TLL1: variants seen among roughly 807,000 people sequenced by gnomAD.
TLL1 encodes tolloid-like protein 1.
A neutral mutation model predicts 128.2 loss-of-function variants in TLL1; 49 were observed. The observed-to-expected ratio is 0.38, with a 90% CI of 0.30 to 0.48. The LOEUF (loss-of-function observed/expected upper bound fraction) is 0.48, where lower values mean the gene tolerates loss of function less well. Ranked by LOEUF, TLL1 falls within the 20% of genes least tolerant of loss-of-function variation. TLL1 has a pLI of 0.96. For missense variants in TLL1, 1,123 were observed against 1,242.0 expected (o/e 0.90, Z 1.44); for synonymous variants, 454 against 418.8 (o/e 1.08, Z -1.03).
intron 9 of TLL1, 22 bp from the exon 10 acceptor site, chr4:166,039,317 G>T: frequency 6.5e-7 from 1 of 1,540,252 alleles, no homozygotes; most frequent in Non-Finnish European, 9.0e-7. Flanking sequence ...TACTCTGTGG[G>T]TTGCTTACCT....
rs76313255 is a variant in TLL1, at chr4:165,888,494, T to C, written c.169+14421T>C. On this transcript the variant is annotated intron_variant, in intron 1 of 20. Transcript: ENST00000061240. The stretch of plus-strand genomic sequence containing the variant: ...TGTTTATCAGTTTAATTGACTTAAA[T>C]CTCTCCTCATTCTACTCTTCCTGTT... 7.2e-5 allele frequency among the ~76,000 whole-genome samples: 11 copies of C among 152,274 alleles called. No individual in the cohort carries two copies. In the East Asian group the frequency reaches 2.1e-3, roughly 29 times the overall value.
intron 12 of TLL1, among the ~76,000 whole-genome samples, chr4:166,050,812 C>T (rs1739684191): frequency 6.6e-6 from 1 of 152,116 alleles, no homozygotes; most frequent in South Asian, 2.1e-4. Flanking sequence ...TTAGTTGTTG[C>T]TAAATAGAAA....
chr4:165,991,041 G>C (rs1333334697), intron 2 of TLL1, among the ~76,000 whole-genome samples: 2 of 151,914 alleles, frequency 1.3e-5, no homozygotes, highest in Non-Finnish European at 2.9e-5. Context: ...AAATGCTAGA[G>C]TTATTATAAG....
At chr4:165,936,875 G>A (rs765562179) in intron 1 of TLL1, among the ~76,000 whole-genome samples, 26 of 152,134 alleles carry the variant, frequency 1.7e-4, no homozygotes, top group South Asian at 4.1e-4. Context: ...AGAGATTGCC[G>A]TGAGCCGAGA....
At chr4:166,020,067 T>G (rs968817676) in intron 8 of TLL1, among the ~76,000 whole-genome samples, 1 of 152,136 alleles carries the variant, frequency 6.6e-6, no homozygotes, top group Non-Finnish European at 1.5e-5. Flanking sequence ...ATTGTTGTGT[T>G]AAGAAAGAAT....
At chr4:165,950,622 T>C (rs907712379) in intron 1 of TLL1, among the ~76,000 whole-genome samples, 1 of 152,082 alleles carries the variant, frequency 6.6e-6, no homozygotes, top group Non-Finnish European at 1.5e-5. Context: ...AAATCTCACA[T>C]ATTTGGAAAT....
chr4:166,078,036 T>A lies in TLL1; in HGVS notation c.2442+6T>A. On this transcript the variant is annotated splice_donor_region_variant and intron_variant, in intron 18 of 20. Transcript: ENST00000061240. Reference sequence around the variant, plus strand: ...CTGGCCACCGAATCAAATTAGTAAGTGAGCACATCCTTTTTCTTTCCATTA... The same window carrying A: ...CTGGCCACCGAATCAAATTAGTAAGAGAGCACATCCTTTTTCTTTCCATTA... The A allele has an allele frequency of 1.2e-6, 2 of 1,613,444 alleles. No homozygotes were observed. The highest frequency in any genetic ancestry group is 1.7e-6 in the Non-Finnish European group (2 of 1,179,546).
chr4:165,906,665 GT>G (rs1473618683), intron 1 of TLL1, among the ~76,000 whole-genome samples: 5 of 152,074 alleles, frequency 3.3e-5, no homozygotes, highest in East Asian at 3.9e-4. Context: ...AATTATTGCA[GT>G]TTTTCAGGCT....
In TLL1 at chr4:165,994,400, A is replaced by T; in HGVS notation, c.381A>T (p.Thr127=). The change falls in exon 4 of 21, where the codon ACA becomes ACT. Residue 127 remains threonine, a synonymous_variant. Transcript: ENST00000061240. The stretch of plus-strand genomic sequence containing the variant: ...CTGCAGGCTTGGAGCAAAACAACAC[A>T]GTTAAGGGAAAAGTACCTCTACAAT... The part of the protein sequence containing the change: ...RIGFGLEQNN[T]VKGKVPLQFS... 4 of 1,614,010 alleles carry T rather than the reference A, an allele frequency of 2.5e-6. No homozygotes were observed. The highest frequency in any genetic ancestry group is 3.4e-6 in the Non-Finnish European group (4 of 1,179,928).
chr4:165,895,832 C>T (rs549042414), intron 1 of TLL1, among the ~76,000 whole-genome samples: 19 of 151,926 alleles, frequency 1.3e-4, no homozygotes, highest in South Asian at 1.0e-3. Flanking sequence ...GCAACAGATA[C>T]GTAAATAGAA....
At chr4:166,010,800 T>A (rs1714119613) in intron 7 of TLL1, among the ~76,000 whole-genome samples, 1 of 151,246 alleles carries the variant, frequency 6.6e-6, no homozygotes, top group Non-Finnish European at 1.5e-5. Flanking sequence ...ATTTATTTAA[T>A]GCATTGAGTT....
At chr4:166,039,505 C>CAAAA in intron 10 of TLL1, 64 bp downstream of exon 10, 2 of 1,162,516 alleles carry the variant, frequency 1.7e-6, no homozygotes, top group Non-Finnish European at 2.6e-6. Flanking sequence ...AAAAACCAAC[C>CAAAA]GATTCTCTCA....
intron 1 of TLL1, among the ~76,000 whole-genome samples, chr4:165,987,123 T>C (rs149539744): frequency 2.2e-3 from 336 of 152,122 alleles, no homozygotes; most frequent in Non-Finnish European, 4.2e-3. Context: ...AAATTAAAGT[T>C]AGTGAAGCAC....
chr4:166,061,251 C>CT lies in TLL1; in HGVS notation c.2007+1075dup, dbSNP rs1176866599. 6.6e-3 allele frequency among the ~76,000 whole-genome samples: 278 copies of CT among 41,892 alleles called. 3 individuals carry two copies. Among genetic ancestry groups the CT allele is most frequent in the Admixed American group, 0.02 (102 of 5,022 alleles). 27.5% of individuals were successfully genotyped at this position (41,892 alleles called of 152,430 possible). On this transcript the variant is annotated intron_variant, in intron 15 of 20. Transcript: ENST00000061240. ...TTTCCTCCTTTCCTTTTTTTTTTTT[C>CT]TTTTTTTTTTTTGAGACAGAGTCTC...
chr4:165,914,486 A>G (rs1002068327), intron 1 of TLL1, among the ~76,000 whole-genome samples: 3 of 152,242 alleles, frequency 2.0e-5, no homozygotes, highest in Non-Finnish European at 2.9e-5. Context: ...GCACCCAGAC[A>G]GCAAGCATGG....
chr4:166,055,059 AT>A lies in TLL1; in HGVS notation c.1525-10del. ...TATCTATAAACATATATTTTCACAT[AT>A]TTTTTTCTGTTGCAGATTGAAAGAC... On this transcript the variant is annotated splice_polypyrimidine_tract_variant and intron_variant, in intron 12 of 20. Coordinates refer to ENST00000061240, the MANE Select transcript of TLL1 (RefSeq NM_012464.5). 2.5e-6 allele frequency: 4 copies of A among 1,603,850 alleles called. No individual in the cohort carries two copies. The highest frequency in any genetic ancestry group is 1.1e-5 in the South Asian group (1 of 89,450).
At position 165,991,353 on chromosome 4, in the gene TLL1, T is replaced by C. The variant is rs940221591; in HGVS notation, c.281-1451T>C. Among the ~76,000 whole-genome samples, 6 of 152,106 alleles carry C rather than the reference T, an allele frequency of 3.9e-5. No homozygotes were observed. The East Asian group carries it at 1.2e-3, about 29-fold the overall frequency. On this transcript the variant is annotated intron_variant, in intron 2 of 20. Coordinates refer to ENST00000061240, the MANE Select transcript of TLL1 (RefSeq NM_012464.5). ...TTCAATAGTAACTTGCACTACTCAG[T>C]TGAATTGCAAACAATGTAATATAAA...
intron 19 of TLL1, among the ~76,000 whole-genome samples, chr4:166,095,569 C>A (rs1741980840): frequency 6.6e-6 from 1 of 151,910 alleles, no homozygotes; most frequent in Admixed American, 6.6e-5. Context: ...CAATGACATT[C>A]AAAAATAATA....
At chr4:165,979,946 T>G (rs993089164) in intron 1 of TLL1, among the ~76,000 whole-genome samples, 2 of 152,128 alleles carry the variant, frequency 1.3e-5, no homozygotes, top group African/African-American at 4.8e-5. Context: ...TGACTGACTG[T>G]ATTAACATGG....
Sources: allele counts gnomAD v4.1 joint callset (sites outside exome capture counted in the v4.1 genomes callset), GRCh38; gene constraint gnomAD v4.1.1; transcripts MANE v1.5; gene names NCBI Gene and HGNC (gene_info 2026-07-23, HGNC 2026-07-21).